NFIB: variants seen among roughly 807,000 people sequenced by gnomAD.
NFIB encodes nuclear factor I B.
Under a neutral mutation model 61.5 loss-of-function variants are expected in NFIB, and 11 were observed. The ratio of observed to expected loss-of-function variants is 0.18; its 90% CI spans 0.11 to 0.30. NFIB has a LOEUF of 0.30. Ranked by LOEUF, NFIB falls within the 10% of genes least tolerant of loss-of-function variation. NFIB has a pLI of 1.00. For missense variants in NFIB, 471 were observed against 608.9 expected, an observed-to-expected ratio of 0.77 and a Z score of 2.38; for synonymous variants, 260 against 216.5, an observed-to-expected ratio of 1.20 and a Z score of -1.76.
At chr9:14,486,548 CT>C in the NFIB span, among the ~76,000 whole-genome samples, 1 of 152,132 alleles carries the variant, frequency 6.6e-6, no homozygotes. Flanking sequence ...GTTTTAATGA[CT>C]GGTAGGGGGA....
the NFIB span, among the ~76,000 whole-genome samples, chr9:14,420,059 A>G: frequency 6.6e-6 from 1 of 152,140 alleles, no homozygotes; most frequent in African/African-American, 2.4e-5. Flanking sequence ...GGCTCTATAA[A>G]AAGGGTTAAG....
chr9:14,257,322 G>T (rs906789987), intron 2 of NFIB, among the ~76,000 whole-genome samples: 8 of 152,196 alleles, frequency 5.3e-5, no homozygotes, highest in African/African-American at 1.9e-4. Context: ...GAAAAAAACT[G>T]TGAAACACTG....
rs533430281 is a variant in NFIB at position 14,366,504 on chromosome 9, G to C, written c.108+32020C>G. ...TTTTATTCTTTTTTTTTTTCTTCTT[G>C]AGACAGAGTCTTGCTCTGTCAACCA... On this transcript the variant is annotated intron_variant, in intron 1 of 8. Transcript: ENST00000380934. Among the ~76,000 whole-genome samples, 11 of 147,568 alleles carry C rather than the reference G, an allele frequency of 7.5e-5. No homozygotes were observed. In the South Asian group the frequency reaches 2.4e-3, roughly 32 times the overall value.
the NFIB span, among the ~76,000 whole-genome samples, chr9:14,469,008 T>C: frequency 6.6e-6 from 1 of 152,174 alleles, no homozygotes; most frequent in Non-Finnish European, 1.5e-5. Context: ...CAGAAGTGTG[T>C]CTGGGACAGG....
At chr9:14,429,641 C>A in the NFIB span, among the ~76,000 whole-genome samples, 1 of 152,214 alleles carries the variant, frequency 6.6e-6, no homozygotes, top group Non-Finnish European at 1.5e-5. Flanking sequence ...GATGAAATTG[C>A]AGCAGCTGTT....
chr9:14,188,334 G>A (rs1158199842), intron 2 of NFIB, among the ~76,000 whole-genome samples: 1 of 151,606 alleles, frequency 6.6e-6, no homozygotes, highest in Non-Finnish European at 1.5e-5. Context: ...TAAAAACAAG[G>A]CAAAGCAATC....
the NFIB span, among the ~76,000 whole-genome samples, chr9:14,404,150 C>G: frequency 6.6e-6 from 1 of 152,230 alleles, no homozygotes; most frequent in East Asian, 1.9e-4. Flanking sequence ...GGAGACACTC[C>G]TGTGGTGTGG....
intron 2 of NFIB, among the ~76,000 whole-genome samples, chr9:14,246,528 G>A (rs2054948291): frequency 6.6e-6 from 1 of 152,176 alleles, no homozygotes; most frequent in African/African-American, 2.4e-5. Flanking sequence ...TCCCTTTGTT[G>A]ATAGCTCTAT....
chr9:14,259,062 A>T (rs2056497320), intron 2 of NFIB, among the ~76,000 whole-genome samples: 1 of 152,172 alleles, frequency 6.6e-6, no homozygotes, highest in African/African-American at 2.4e-5. Flanking sequence ...CCTTAGGACA[A>T]ATCTGAATCA....
chr9:14,111,139 G>T (rs1215860424), intron 10 of NFIB, among the ~76,000 whole-genome samples: 1 of 152,158 alleles, frequency 6.6e-6, no homozygotes, highest in South Asian at 2.1e-4. Flanking sequence ...TATAGTTCTA[G>T]AACTCATAGT....
At chr9:14,337,819 A>G (rs1200197975) in intron 1 of NFIB, among the ~76,000 whole-genome samples, 1 of 152,204 alleles carries the variant, frequency 6.6e-6, no homozygotes, top group Non-Finnish European at 1.5e-5. Flanking sequence ...TTTGTTTCAG[A>G]CACTGATGCT....
chr9:14,269,293 G>A (rs1255375949), intron 2 of NFIB, among the ~76,000 whole-genome samples: 1 of 152,124 alleles, frequency 6.6e-6, no homozygotes, highest in East Asian at 1.9e-4. Flanking sequence ...TGCATCATAT[G>A]TAAAACTAGC....
At chr9:14,250,050 T>A (rs570160709) in intron 2 of NFIB, among the ~76,000 whole-genome samples, 2 of 152,304 alleles carry the variant, frequency 1.3e-5, no homozygotes, top group East Asian at 3.9e-4. Context: ...CTTCTTTTCT[T>A]GATAAGTCTT....
the NFIB span, among the ~76,000 whole-genome samples, chr9:14,410,256 G>A: frequency 6.6e-6 from 1 of 150,896 alleles, no homozygotes; most frequent in South Asian, 2.1e-4. Context: ...AGCAGATTCT[G>A]GATATTGTTA....
chr9:14,274,226 TTC>T (rs1458082882), intron 2 of NFIB, among the ~76,000 whole-genome samples: 1 of 108,434 alleles, frequency 9.2e-6, no homozygotes, highest in African/African-American at 3.5e-5. Flanking sequence ...TCTACCCCCT[TTC>T]TCTCTCTAGC....
the NFIB span, among the ~76,000 whole-genome samples, chr9:14,469,041 C>T: frequency 2.0e-5 from 3 of 152,170 alleles, no homozygotes; most frequent in African/African-American, 7.2e-5. Context: ...ACAATGCCCA[C>T]TTCGATTCCA....
chr9:14,118,339 G>A (rs928564099), intron 8 of NFIB, among the ~76,000 whole-genome samples: 4 of 152,046 alleles, frequency 2.6e-5, no homozygotes, highest in Admixed American at 1.3e-4. Flanking sequence ...CAAAATGTCT[G>A]GAGCAGAATG....
At chr9:14,367,423 G>A (rs530970845) in intron 1 of NFIB, among the ~76,000 whole-genome samples, 12 of 151,994 alleles carry the variant, frequency 7.9e-5, no homozygotes, top group East Asian at 2.0e-4. Context: ...AGAGGGACTA[G>A]TAAGTGCAGA....
rs979605565 is a variant in NFIB, at chr9:14,086,078, C to G, written c.*2231G>C. ...CTTACTATTGTGTTGTTATGAAAAC[C>G]AGTAATGAGTTCAGCTTGCAACCCA... On this transcript the variant is annotated 3_prime_UTR_variant, in exon 11 of 11. Transcript: ENST00000380953. 1 of 225,636 alleles carries G rather than the reference C, an allele frequency of 4.4e-6. No homozygotes were observed. The highest frequency in any genetic ancestry group is 5.7e-5 in the Admixed American group (1 of 17,470). The allele number at this position is 225,636 out of a possible 1,614,324, so 14.0% of individuals were successfully genotyped here.
Sources: gnomAD v4.1 joint callset for allele counts (sites outside exome capture counted in the v4.1 genomes callset) on GRCh38, gnomAD v4.1.1 for gene constraint, MANE v1.5 for transcripts, NCBI Gene and HGNC (gene_info 2026-07-23, HGNC 2026-07-21) for gene names.